The following TSPAN9 variants were observed in gnomAD, a reference collection of about 807,000 sequenced individuals.
TSPAN9 encodes the protein tetraspanin 9.
A neutral mutation model predicts 31.0 loss-of-function variants in TSPAN9; 16 were observed. The observed-to-expected ratio is 0.52, with a 90% CI of 0.35 to 0.78. The LOEUF is 0.78. Among genes scored for constraint, TSPAN9 ranks in the 30% least tolerant of loss-of-function variants. The pLI is 0.01. For synonymous variants in TSPAN9, 145 were observed against 121.6 expected, an observed-to-expected ratio of 1.19 and a Z score of -1.27; for missense variants, 272 against 312.5, an observed-to-expected ratio of 0.87 and a Z score of 0.98.
At chr12:3,079,662 A>G (rs1294793391) in intron 1 of TSPAN9, among the ~76,000 whole-genome samples, 1 of 151,742 alleles carries the variant, frequency 6.6e-6, no homozygotes, top group Non-Finnish European at 1.5e-5. Flanking sequence ...GAGTTTCGCC[A>G]TGTTGGCCAG....
At chr12:3,116,338 A>G (rs1373333833) in intron 2 of TSPAN9, among the ~76,000 whole-genome samples, 3 of 152,172 alleles carry the variant, frequency 2.0e-5, no homozygotes, top group Admixed American at 6.5e-5. Flanking sequence ...TCTGAGTCAC[A>G]GTTTTCTCAT....
At chr12:3,281,841 C>G in intron 8 of TSPAN9, 24 bp downstream of exon 8, 1 of 1,611,798 alleles carries the variant, frequency 6.2e-7, no homozygotes, top group East Asian at 2.2e-5. Flanking sequence ...CCCCAGCAGC[C>G]TCACCCACCC....
At chr12:3,201,062 G>A in intron 2 of TSPAN9, 115 bp from the exon 3 acceptor site, 3 of 963,402 alleles carry the variant, frequency 3.1e-6, no homozygotes, top group South Asian at 3.2e-5. Flanking sequence ...CGGCACCGCG[G>A]GCTCCCGGGG....
At chr12:3,119,491 T>C (rs2098324087) in intron 2 of TSPAN9, among the ~76,000 whole-genome samples, 1 of 152,176 alleles carries the variant, frequency 6.6e-6, no homozygotes, top group Non-Finnish European at 1.5e-5. Flanking sequence ...AGGAGCTCCG[T>C]TGTGAAATGC....
chr12:3,167,193 G>A (rs780477326), intron 2 of TSPAN9, among the ~76,000 whole-genome samples: 20 of 152,144 alleles, frequency 1.3e-4, no homozygotes, highest in Non-Finnish European at 2.4e-4. Context: ...ATTCATCCAC[G>A]TAGCTGCAAG....
At chr12:3,132,967 G>C (rs183951751) in intron 2 of TSPAN9, among the ~76,000 whole-genome samples, 2 of 152,118 alleles carry the variant, frequency 1.3e-5, no homozygotes, top group Middle Eastern at 3.2e-3. Flanking sequence ...AGATTGTCTC[G>C]AGAGGCGTTG....
intron 2 of TSPAN9, among the ~76,000 whole-genome samples, chr12:3,114,907 T>G (rs10848806): frequency 0.32 from 48,139 of 151,314 alleles, 7,869 homozygotes; most frequent in Middle Eastern, 0.45. Context: ...CCAACAGGTT[T>G]GTTTTATTGA....
intron 3 of TSPAN9, among the ~76,000 whole-genome samples, chr12:3,221,398 G>A (rs766938967): frequency 4.7e-5 from 6 of 128,060 alleles, no homozygotes; most frequent in South Asian, 2.5e-4. Flanking sequence ...CATTCTTGTC[G>A]CCCAGGCTGG....
intron 1 of TSPAN9, among the ~76,000 whole-genome samples, chr12:3,077,984 C>T (rs925422283): frequency 1.8e-4 from 28 of 152,186 alleles, no homozygotes; most frequent in African/African-American, 6.3e-4. Context: ...TCTGTGCATT[C>T]AAGTTTGGGA....
chr12:3,203,172 C>G (rs578100928), intron 3 of TSPAN9, among the ~76,000 whole-genome samples: 1 of 152,076 alleles, frequency 6.6e-6, no homozygotes, highest in East Asian at 1.9e-4. Flanking sequence ...ACCTGCTGGC[C>G]GGAGTTGGTA....
chr12:3,238,554 G>A (rs1411725240), intron 3 of TSPAN9, among the ~76,000 whole-genome samples: 4 of 152,172 alleles, frequency 2.6e-5, no homozygotes, highest in African/African-American at 9.7e-5. Context: ...AAACATCGCC[G>A]ACCCTTCCAT....
At chr12:3,206,287 C>T (rs1168739149) in intron 3 of TSPAN9, 3 of 455,942 alleles carry the variant, frequency 6.6e-6, no homozygotes, top group African/African-American at 2.0e-5. Flanking sequence ...CAGGATCCTC[C>T]AGTTGGTGAG....
chr12:3,266,197 A>G (rs1001735387), intron 3 of TSPAN9, among the ~76,000 whole-genome samples: 5 of 152,314 alleles, frequency 3.3e-5, no homozygotes, highest in African/African-American at 7.2e-5. Context: ...TTCATGGGAA[A>G]GAGCCAGGCA....
intron 2 of TSPAN9, among the ~76,000 whole-genome samples, chr12:3,153,109 G>C (rs1319334635): frequency 6.6e-6 from 1 of 152,210 alleles, no homozygotes; most frequent in African/African-American, 2.4e-5. Flanking sequence ...CTTCCTTGAA[G>C]CCCTCTTCAG....
At chr12:3,157,323 A>G (rs10744596) in intron 2 of TSPAN9, among the ~76,000 whole-genome samples, 150,160 of 152,200 alleles carry the variant, frequency 0.99, 74,100 homozygotes, top group Non-Finnish European at 1. Flanking sequence ...GGGTGGTCTC[A>G]ATCTCCTGAC....
chr12:3,085,933 C>A (rs2098300222), intron 2 of TSPAN9, among the ~76,000 whole-genome samples: 1 of 152,146 alleles, frequency 6.6e-6, no homozygotes, highest in Non-Finnish European at 1.5e-5. Flanking sequence ...CGGAGATGGT[C>A]CCCTGCCCCG....
chr12:3,214,749 C>T (rs191337151), intron 3 of TSPAN9, among the ~76,000 whole-genome samples: 21 of 151,764 alleles, frequency 1.4e-4, no homozygotes, highest in Admixed American at 3.3e-4. Flanking sequence ...ACCCTGGCTA[C>T]GCTGGGGAGA....
intron 1 of TSPAN9, among the ~76,000 whole-genome samples, chr12:3,081,100 GA>G (rs1471057785): frequency 1.3e-5 from 2 of 152,218 alleles, no homozygotes; most frequent in East Asian, 3.8e-4. Flanking sequence ...AGGGTGTTGG[GA>G]AGGAGCCATG....
intron 8 of TSPAN9, 155 bp downstream of exon 8, chr12:3,281,972 C>A (rs1190970534): frequency 1.2e-6 from 1 of 855,602 alleles, no homozygotes; most frequent in African/African-American, 1.7e-5. Context: ...GCCACCGTTT[C>A]CGCAGAGCTC....
Sources: allele counts gnomAD v4.1 joint callset (sites outside exome capture counted in the v4.1 genomes callset), GRCh38; gene constraint gnomAD v4.1.1; transcripts MANE v1.5; gene names NCBI Gene and HGNC (gene_info 2026-07-23, HGNC 2026-07-21).